RBFOX1: variants seen among roughly 807,000 people sequenced by gnomAD.
The protein encoded by RBFOX1 is RNA binding fox-1 homolog 1, also known as RNA binding protein fox-1 homolog 1.
A neutral mutation model predicts 57.7 loss-of-function variants in RBFOX1; 8 were observed. The ratio of observed to expected loss-of-function variants is 0.14; its 90% CI spans 0.08 to 0.25. RBFOX1 has a LOEUF of 0.25. Ranked by LOEUF, RBFOX1 falls within the 10% of genes least tolerant of loss-of-function variation. The pLI, the probability that RBFOX1 is intolerant of heterozygous loss-of-function variation, is 1.00. For missense variants in RBFOX1, 611 were observed against 548.5 expected (o/e 1.11, Z -1.14); for synonymous variants, 326 against 222.4 (o/e 1.47, Z -4.15).
At chr16:7,257,860 C>A (rs2153052663) in intron 4 of RBFOX1, among the ~76,000 whole-genome samples, 1 of 152,298 alleles carries the variant, frequency 6.6e-6, no homozygotes, top group East Asian at 1.9e-4. Context: ...TGCATTCTGG[C>A]TGGATTCTGT....
chr16:7,418,928 A>G (rs967183187), intron 4 of RBFOX1, among the ~76,000 whole-genome samples: 1 of 152,076 alleles, frequency 6.6e-6, no homozygotes, highest in African/African-American at 2.4e-5. Context: ...TTTTTGAGAA[A>G]GGGTCTCAGT....
chr16:6,044,288 G>C (rs190165564), intron 1 of RBFOX1, among the ~76,000 whole-genome samples: 1 of 152,172 alleles, frequency 6.6e-6, no homozygotes, highest in Non-Finnish European at 1.5e-5. Flanking sequence ...GTTGTTTTCA[G>C]AAGCCAAGTG....
In RBFOX1 at chr16:5,462,691, C is replaced by T. The variant is rs374329295; in HGVS notation, c.220-4525C>T. Among the ~76,000 whole-genome samples the T allele has an allele frequency of 1.1e-4, 17 of 152,238 alleles. No homozygotes were observed. The South Asian group carries it at 1.5e-3, about 13-fold the overall frequency. On this transcript the variant is annotated intron_variant, in intron 1 of 2. Transcript: ENST00000585867. ...GATGCATCCATGGCATGGAATTCTA[C>T]GCACCTGTTAGGAAAGAAGGAATTG...
chr16:6,415,892 C>T (rs886697009), intron 2 of RBFOX1, among the ~76,000 whole-genome samples: 1 of 152,144 alleles, frequency 6.6e-6, no homozygotes, highest in Non-Finnish European at 1.5e-5. Context: ...CAGATGGGTG[C>T]CAGGTAAGAT....
intron 2 of RBFOX1, among the ~76,000 whole-genome samples, chr16:5,491,551 A>G (rs909640869): frequency 6.6e-6 from 1 of 152,244 alleles, no homozygotes; most frequent in African/African-American, 2.4e-5. Flanking sequence ...TATTTATACA[A>G]CAGGATTCTT....
intron 4 of RBFOX1, among the ~76,000 whole-genome samples, chr16:7,229,638 A>G (rs1311641584): frequency 1.1e-5 from 1 of 93,192 alleles, no homozygotes; most frequent in Non-Finnish European, 2.4e-5. Context: ...AGGGAAGGGA[A>G]GGAAGGGAGA....
At chr16:7,040,274 C>G (rs2045751447) in intron 3 of RBFOX1, among the ~76,000 whole-genome samples, 3 of 152,208 alleles carry the variant, frequency 2.0e-5, no homozygotes, top group South Asian at 2.1e-4. Flanking sequence ...CTGCCTCAGC[C>G]TCCCAAAGTG....
intron 2 of RBFOX1, among the ~76,000 whole-genome samples, chr16:6,398,746 T>TGGGC (rs774849592): frequency 1.3e-5 from 2 of 152,234 alleles, no homozygotes; most frequent in African/African-American, 4.8e-5. Flanking sequence ...CCTGCTTTCA[T>TGGGC]GGGCTGGCAT....
At chr16:5,683,382 G>A (rs1406976814) in intron 3 of RBFOX1, among the ~76,000 whole-genome samples, 2 of 152,026 alleles carry the variant, frequency 1.3e-5, no homozygotes, top group Non-Finnish European at 2.9e-5. Flanking sequence ...GTGTCAACTT[G>A]ATTGGATTGA....
intron 1 of RBFOX1, among the ~76,000 whole-genome samples, chr16:6,280,793 A>G (rs1006299745): frequency 3.3e-5 from 5 of 152,066 alleles, no homozygotes; most frequent in Non-Finnish European, 7.4e-5. Context: ...TACACTGAAC[A>G]GGGGCTTGCT....
intron 1 of RBFOX1, among the ~76,000 whole-genome samples, chr16:5,452,754 C>T (rs2068466601): frequency 6.6e-6 from 1 of 152,044 alleles, no homozygotes; most frequent in African/African-American, 2.4e-5. Flanking sequence ...AGCCATTCTC[C>T]CGCCTCAGCC....
At chr16:6,299,534 G>T (rs549937009) in intron 1 of RBFOX1, among the ~76,000 whole-genome samples, 9 of 152,146 alleles carry the variant, frequency 5.9e-5, no homozygotes, top group African/African-American at 2.2e-4. Context: ...TGATTTCAGA[G>T]ACCTCATTTT....
intron 2 of RBFOX1, among the ~76,000 whole-genome samples, chr16:6,325,345 C>T (rs1439059608): frequency 1.3e-5 from 2 of 152,120 alleles, no homozygotes; most frequent in African/African-American, 2.4e-5. Context: ...GGCAGCAAAG[C>T]CCTGTCTGAA....
intron 2 of RBFOX1, among the ~76,000 whole-genome samples, chr16:5,583,623 C>G (rs942732425): frequency 2.0e-5 from 3 of 152,204 alleles, no homozygotes; most frequent in South Asian, 4.1e-4. Flanking sequence ...TCAAGTTGAA[C>G]TTGTCTGAAG....
chr16:6,328,814 G>C, intron 2 of RBFOX1, among the ~76,000 whole-genome samples: 1 of 152,022 alleles, frequency 6.6e-6, no homozygotes, highest in East Asian at 1.9e-4. Flanking sequence ...GTATAGCTTG[G>C]GCAGTGATCA....
At chr16:5,640,296 GGA>G (rs1261797571) in intron 3 of RBFOX1, among the ~76,000 whole-genome samples, 3 of 152,300 alleles carry the variant, frequency 2.0e-5, no homozygotes, top group Admixed American at 6.5e-5. Context: ...ACTGTGAATG[GGA>G]GAGAGTATTT....
chr16:7,243,615 A>G (rs753728691), intron 4 of RBFOX1, among the ~76,000 whole-genome samples: 2 of 152,102 alleles, frequency 1.3e-5, no homozygotes, highest in East Asian at 1.9e-4. Context: ...TGGCATGATA[A>G]TAGCTCACTA....
intron 1 of RBFOX1, among the ~76,000 whole-genome samples, chr16:6,297,238 C>G (rs559208757): frequency 1.3e-5 from 2 of 152,238 alleles, no homozygotes; most frequent in East Asian, 3.9e-4. Context: ...TTGTGCCAAC[C>G]TCCTATCTCA....
chr16:7,205,632 G>A (rs956879828), intron 4 of RBFOX1, among the ~76,000 whole-genome samples: 1 of 152,056 alleles, frequency 6.6e-6, no homozygotes, highest in South Asian at 2.1e-4. Context: ...TACAAAATAC[G>A]ATACATTTTA....
Sources: gnomAD v4.1 joint callset for allele counts (sites outside exome capture counted in the v4.1 genomes callset) on GRCh38, gnomAD v4.1.1 for gene constraint, MANE v1.5 for transcripts, NCBI Gene and HGNC (gene_info 2026-07-23, HGNC 2026-07-21) for gene names.